FHIT: variants seen among roughly 807,000 people sequenced by gnomAD.
FHIT encodes the protein fragile histidine triad diadenosine triphosphatase.
In FHIT, 19 loss-of-function variants were observed where a neutral mutation model predicts 17.9. The ratio of observed to expected loss-of-function variants is 1.06; its 90% CI spans 0.74 to 1.56. The LOEUF (loss-of-function observed/expected upper bound fraction) is 1.56. Among genes scored for constraint, FHIT ranks in the 40% most tolerant of loss-of-function variants. The pLI is 0.00. For synonymous variants in FHIT, 81 were observed against 69.7 expected (o/e 1.16, Z -0.81); for missense variants, 248 against 189.2 (o/e 1.31, Z -1.82).
At chr3:60,929,913 T>C (rs1707855444) in intron 3 of FHIT, among the ~76,000 whole-genome samples, 3 of 152,312 alleles carry the variant, frequency 2.0e-5, no homozygotes, top group African/African-American at 7.2e-5. Flanking sequence ...AAGTCAATCC[T>C]AAGCCAAAAG....
chr3:60,652,377 G>T (rs1388575302), intron 4 of FHIT, among the ~76,000 whole-genome samples: 1 of 152,148 alleles, frequency 6.6e-6, no homozygotes, highest in East Asian at 1.9e-4. Context: ...AAGGCAGGGG[G>T]GATCACTTGA....
chr3:60,203,398 A>G (rs60315901), intron 5 of FHIT, among the ~76,000 whole-genome samples: 3,554 of 152,250 alleles, frequency 0.023, 152 homozygotes, highest in African/African-American at 0.081. Context: ...ATATCCCTCA[A>G]CAAAGGCATG....
intron 5 of FHIT, among the ~76,000 whole-genome samples, chr3:60,529,496 A>T (rs1225269436): frequency 3.3e-5 from 5 of 152,114 alleles, no homozygotes; most frequent in African/African-American, 4.8e-5. Flanking sequence ...ATTCTGCATT[A>T]TTTGAGTTAA....
At chr3:60,383,471 G>A (rs1262184549) in intron 5 of FHIT, among the ~76,000 whole-genome samples, 3 of 151,898 alleles carry the variant, frequency 2.0e-5, no homozygotes, top group Non-Finnish European at 4.4e-5. Flanking sequence ...AGTGCTACTG[G>A]CATCTAGTGG....
intron 4 of FHIT, among the ~76,000 whole-genome samples, chr3:60,755,593 TCATCAGTCA>T (rs2042556086): frequency 1.3e-5 from 2 of 152,286 alleles, no homozygotes; most frequent in South Asian, 2.1e-4. Flanking sequence ...CTATTTCACA[TCATCAGTCA>T]CATCAGTATT....
At chr3:60,041,863 CTATT>C (rs1324435529) in intron 5 of FHIT, among the ~76,000 whole-genome samples, 1 of 152,212 alleles carries the variant, frequency 6.6e-6, no homozygotes, top group East Asian at 1.9e-4. Flanking sequence ...TACCAAAAAT[CTATT>C]TAAAAAATCA....
intron 5 of FHIT, among the ~76,000 whole-genome samples, chr3:60,140,369 C>T (rs1265148109): frequency 6.6e-6 from 1 of 152,046 alleles, no homozygotes; most frequent in Non-Finnish European, 1.5e-5. Context: ...TGGCACATGA[C>T]ATGGCTGGAT....
chr3:59,953,694 A>G (rs927232690), intron 7 of FHIT, among the ~76,000 whole-genome samples: 7 of 152,206 alleles, frequency 4.6e-5, no homozygotes, highest in Admixed American at 3.3e-4. Context: ...ATCTAAAACC[A>G]CTGCTGACAC....
chr3:60,374,093 C>T (rs901452835), intron 5 of FHIT, among the ~76,000 whole-genome samples: 1 of 152,126 alleles, frequency 6.6e-6, no homozygotes, highest in Non-Finnish European at 1.5e-5. Flanking sequence ...AATTATTTTT[C>T]TTACATATAA....
At chr3:61,199,843 T>A (rs1166669944) in intron 2 of FHIT, among the ~76,000 whole-genome samples, 1 of 152,124 alleles carries the variant, frequency 6.6e-6, no homozygotes, top group African/African-American at 2.4e-5. Flanking sequence ...CACCAAAGAC[T>A]CTTGATGAAA....
chr3:61,199,736 T>C (rs1210811189), intron 2 of FHIT, among the ~76,000 whole-genome samples: 1 of 146,580 alleles, frequency 6.8e-6, no homozygotes, highest in South Asian at 2.3e-4. Context: ...ATAGTAATAA[T>C]TGCTGCAATA....
chr3:59,821,146 G>A (rs1333154428), intron 8 of FHIT, among the ~76,000 whole-genome samples: 1 of 152,136 alleles, frequency 6.6e-6, no homozygotes, highest in Non-Finnish European at 1.5e-5. Flanking sequence ...TTTCAGGTGA[G>A]CAGACCAGAC....
intron 4 of FHIT, among the ~76,000 whole-genome samples, chr3:60,658,548 A>C (rs1559619747): frequency 6.6e-6 from 1 of 152,156 alleles, no homozygotes; most frequent in Non-Finnish European, 1.5e-5. Context: ...ATAACATACA[A>C]AAACATTGCT....
At chr3:60,195,655 C>T (rs1245189970) in intron 5 of FHIT, among the ~76,000 whole-genome samples, 1 of 144,938 alleles carries the variant, frequency 6.9e-6, no homozygotes, top group African/African-American at 2.5e-5. Flanking sequence ...GATATATATA[C>T]ACACATATAT....
At chr3:59,925,555 TC>T (rs1233830384) in intron 7 of FHIT, among the ~76,000 whole-genome samples, 2 of 152,178 alleles carry the variant, frequency 1.3e-5, no homozygotes, top group African/African-American at 4.8e-5. Context: ...TCCAGGTCTA[TC>T]CCCTGCCTAC....
At chr3:60,165,084 G>A (rs927112440) in intron 5 of FHIT, among the ~76,000 whole-genome samples, 2 of 152,146 alleles carry the variant, frequency 1.3e-5, no homozygotes, top group Non-Finnish European at 2.9e-5. Flanking sequence ...ACCTGAATGA[G>A]TCCAGTGAGT....
chr3:59,999,525 A>T (rs1385550355), intron 7 of FHIT, among the ~76,000 whole-genome samples: 2 of 152,172 alleles, frequency 1.3e-5, no homozygotes, highest in Non-Finnish European at 2.9e-5. Flanking sequence ...TTAAGAAACA[A>T]CAATAACTGA....
At chr3:61,076,167 G>T (rs1037191636) in intron 2 of FHIT, among the ~76,000 whole-genome samples, 1 of 152,130 alleles carries the variant, frequency 6.6e-6, no homozygotes, top group African/African-American at 2.4e-5. Context: ...GATAATCTGC[G>T]ATATCAACCC....
At position 60,067,706 on chromosome 3, in the gene FHIT, C is replaced by A. The variant is rs144940410; in HGVS notation, c.104-53554G>T. On this transcript the variant is annotated intron_variant, in intron 5 of 9. Coordinates refer to ENST00000492590, the MANE Select transcript of FHIT (RefSeq NM_002012.4). ...TTTCTTTTTAGTCGACATGAAGGCT[C>A]AAGTGTTGTGGTATACTGGGAATTT... 3.4e-3 allele frequency among the ~76,000 whole-genome samples: 519 copies of A among 152,266 alleles called. 2 individuals are homozygous for A. Among genetic ancestry groups the A allele is most frequent in the African/African-American group, 0.012 (491 of 41,530 alleles).
Sources: allele counts gnomAD v4.1 joint callset (sites outside exome capture counted in the v4.1 genomes callset), GRCh38; gene constraint gnomAD v4.1.1; transcripts MANE v1.5; gene names NCBI Gene and HGNC (gene_info 2026-07-23, HGNC 2026-07-21).